JMJD1C: variants seen among roughly 807,000 people sequenced by gnomAD.
The protein encoded by JMJD1C is jumonji domain containing 1C.
A neutral mutation model predicts 245.3 loss-of-function variants in JMJD1C; 31 were observed. That is an observed-to-expected ratio of 0.13 (90% confidence interval 0.09 to 0.17). The LOEUF (loss-of-function observed/expected upper bound fraction) is 0.17, where lower values mean the gene tolerates loss of function less well. Among genes scored for constraint, JMJD1C ranks in the 10% least tolerant of loss-of-function variants. JMJD1C has a pLI of 1.00. For missense variants in JMJD1C, 2,691 were observed against 3,000.2 expected, an observed-to-expected ratio of 0.90 and a Z score of 2.41; for synonymous variants, 1,057 against 1,017.4, an observed-to-expected ratio of 1.04 and a Z score of -0.74.
chr10:63,213,216 C>G (rs1329328013), intron 8 of JMJD1C, among the ~76,000 whole-genome samples: 1 of 150,154 alleles, frequency 6.7e-6, no homozygotes, highest in Non-Finnish European at 1.5e-5. Context: ...GAAAATATAC[C>G]AAAAATTTAA....
At chr10:63,465,156 G>C in intron 1 of JMJD1C, 1 of 327,556 alleles carries the variant, frequency 3.1e-6, no homozygotes, top group Non-Finnish European at 5.6e-6. Flanking sequence ...ACCTGCCCGC[G>C]CGGCGCCGGA....
At chr10:63,194,212 A>G (rs1337880225) in intron 14 of JMJD1C, 74 bp downstream of exon 14, 4 of 904,382 alleles carry the variant, frequency 4.4e-6, no homozygotes, top group African/African-American at 1.6e-5. Flanking sequence ...TTATATTTCT[A>G]GATACTCCTT....
At chr10:63,320,304 G>A (rs914309125) in intron 2 of JMJD1C, among the ~76,000 whole-genome samples, 2 of 151,096 alleles carry the variant, frequency 1.3e-5, no homozygotes, top group African/African-American at 4.9e-5. Flanking sequence ...ACATTTATTA[G>A]GATAATTTTA....
intron 1 of JMJD1C, among the ~76,000 whole-genome samples, chr10:63,428,831 A>C (rs546362414): frequency 1.4e-4 from 22 of 152,314 alleles, no homozygotes; most frequent in African/African-American, 4.8e-4. Flanking sequence ...TATAATAATA[A>C]TACTCTTATC....
chr10:63,444,138 A>T (rs1951552622), intron 1 of JMJD1C, among the ~76,000 whole-genome samples: 1 of 152,152 alleles, frequency 6.6e-6, no homozygotes. Context: ...GTGACTGAGG[A>T]GTTTTCTGAT....
intron 1 of JMJD1C, among the ~76,000 whole-genome samples, chr10:63,456,259 A>G (rs901226615): frequency 1.3e-5 from 2 of 152,002 alleles, no homozygotes; most frequent in African/African-American, 2.4e-5. Context: ...TAGGCTCTAC[A>G]TAGTTTTATC....
intron 1 of JMJD1C, among the ~76,000 whole-genome samples, chr10:63,401,931 T>TC (rs1948881502): frequency 6.6e-6 from 1 of 152,002 alleles, no homozygotes; most frequent in African/African-American, 2.4e-5. Context: ...GGTCGGGAGT[T>TC]CGAGATCAGC....
chr10:63,287,506 G>A (rs777436357), intron 2 of JMJD1C, among the ~76,000 whole-genome samples: 5 of 152,178 alleles, frequency 3.3e-5, no homozygotes, highest in Non-Finnish European at 5.9e-5. Context: ...AAAGCCAAGT[G>A]ATACGGATAG....
In JMJD1C at chr10:63,225,596, G is replaced by T. The variant is rs564395747; in HGVS notation, c.448-5613C>A. 1.7e-4 allele frequency among the ~76,000 whole-genome samples: 26 copies of T among 152,070 alleles called. 1 individual carries two copies. In the South Asian group the frequency reaches 5.4e-3, roughly 32 times the overall value. ...ATTAGGGGTTCGACCTGGCCAACAT[G>T]GTGAAACCCCGTCTCTACTAAAAAT... On this transcript the variant is annotated intron_variant, in intron 3 of 25. Coordinates refer to ENST00000399262, the MANE Select transcript of JMJD1C (RefSeq NM_032776.3).
In JMJD1C at chr10:63,202,820, A is replaced by G. The variant is rs1417831519; in HGVS notation, c.5075-2143T>C. 4.1e-6 allele frequency: 4 copies of G among 983,410 alleles called. No individual in the cohort carries two copies. In the Admixed American group the frequency reaches 1.8e-4, roughly 45 times the overall value. 60.9% of individuals were successfully genotyped at this position (983,410 alleles called of 1,614,324 possible). On this transcript the variant is annotated intron_variant, in intron 10 of 25. Coordinates refer to ENST00000399262, the MANE Select transcript of JMJD1C (RefSeq NM_032776.3). ...TCAGAGCTTTTACAAGTTGGAATGA[A>G]TGATAGAATTGTTATACTGCTGATA... is the stretch of plus-strand genomic sequence containing the variant.
intron 1 of JMJD1C, among the ~76,000 whole-genome samples, chr10:63,456,129 G>A (rs982358702): frequency 6.6e-6 from 1 of 151,992 alleles, no homozygotes; most frequent in Non-Finnish European, 1.5e-5. Context: ...TAATTCACAT[G>A]AACAATGTAA....
chr10:63,212,182 G>GT (rs1325865967), intron 8 of JMJD1C, among the ~76,000 whole-genome samples: 1 of 152,172 alleles, frequency 6.6e-6, no homozygotes, highest in East Asian at 1.9e-4. Context: ...AGGGGAGTTA[G>GT]TGTTTAATGG....
At chr10:63,440,359 T>C (rs1177894078) in intron 1 of JMJD1C, among the ~76,000 whole-genome samples, 4 of 140,540 alleles carry the variant, frequency 2.8e-5, no homozygotes, top group African/African-American at 1.0e-4. Flanking sequence ...AAAAAATATA[T>C]ATATATAGAG....
At chr10:63,174,335 T>C (rs975446786) in intron 24 of JMJD1C, among the ~76,000 whole-genome samples, 13 of 152,072 alleles carry the variant, frequency 8.5e-5, no homozygotes, top group Admixed American at 2.6e-4. Flanking sequence ...GAAAAAAATA[T>C]TCATACAACT....
chr10:63,494,364 G>A (rs1441870477), intron 1 of JMJD1C, among the ~76,000 whole-genome samples: 1 of 151,688 alleles, frequency 6.6e-6, no homozygotes, highest in East Asian at 1.9e-4. Flanking sequence ...GAGTTATAAA[G>A]CTTCATTATT....
chr10:63,364,131 C>T (rs183140971), intron 2 of JMJD1C, among the ~76,000 whole-genome samples: 145 of 152,262 alleles, frequency 9.5e-4, no homozygotes, highest in Admixed American at 7.0e-3. Context: ...TCCCAAAGTG[C>T]CGGGATTACA....
At chr10:63,413,070 T>C (rs911220103) in intron 1 of JMJD1C, among the ~76,000 whole-genome samples, 1 of 152,128 alleles carries the variant, frequency 6.6e-6, no homozygotes, top group Admixed American at 6.5e-5. Flanking sequence ...GCTAAATAAA[T>C]TCCTATTGAA....
At chr10:63,269,284 TCCC>T (rs1324048704) in intron 2 of JMJD1C, 2 of 844,012 alleles carry the variant, frequency 2.4e-6, no homozygotes, top group African/African-American at 3.7e-5. Flanking sequence ...CTGTAACTAA[TCCC>T]CCGTCACAGG....
intron 2 of JMJD1C, among the ~76,000 whole-genome samples, chr10:63,318,214 C>T (rs547119718): frequency 1.6e-4 from 24 of 152,154 alleles, no homozygotes; most frequent in Non-Finnish European, 2.6e-4. Context: ...ATGGTGTCTC[C>T]TTATGTTGCC....
Sources: gnomAD v4.1 joint callset for allele counts (sites outside exome capture counted in the v4.1 genomes callset) on GRCh38, gnomAD v4.1.1 for gene constraint, MANE v1.5 for transcripts, NCBI Gene and HGNC (gene_info 2026-07-23, HGNC 2026-07-21) for gene names.